The following ZNF324 variants were observed in gnomAD, a reference collection of about 807,000 sequenced individuals.
The protein encoded by ZNF324 is zinc finger protein 324, also known as zinc finger protein 324A.
A neutral mutation model predicts 10.3 loss-of-function variants in ZNF324; 3 were observed. The observed-to-expected ratio is 0.29, with a 90% CI of 0.13 to 0.75. The LOEUF (loss-of-function observed/expected upper bound fraction) is 0.75, where lower values mean the gene tolerates loss of function less well. Ranked by LOEUF, ZNF324 falls within the 30% of genes least tolerant of loss-of-function variation. The probability of loss-of-function intolerance (pLI) is 0.69; values close to 1 mark genes in which losing one functional copy is unlikely to be tolerated. For missense variants in ZNF324, 763 were observed against 784.4 expected (o/e 0.97, Z 0.33); for synonymous variants, 430 against 339.5 (o/e 1.27, Z -2.93).
chr19:58,468,610 C>T (rs1311186534), intron 1 of ZNF324, among the ~76,000 whole-genome samples: 1 of 152,040 alleles, frequency 6.6e-6, no homozygotes, highest in Non-Finnish European at 1.5e-5. Flanking sequence ...GCTACAAGAG[C>T]AGGAAGGGTG....
Position 58,472,196 on chromosome 19 carries a change from CA to C in ZNF324, c.*43del, listed in dbSNP as rs2053042792. The C allele has an allele frequency of 6.6e-7, 1 of 1,519,232 alleles. No individual in the cohort carries two copies. Among genetic ancestry groups the C allele is most frequent in the East Asian group, 2.3e-5 (1 of 43,712 alleles). The allele number at this position is 1,519,232 out of a possible 1,614,324, so 94.1% of individuals were successfully genotyped here. ...CCTGGCCTTCTGTGAATCCCTTCCA[CA>C]GCTAAAGGGCATATGTCCTCTGCAG... On this transcript the variant is annotated 3_prime_UTR_variant, in exon 4 of 4. Coordinates refer to ENST00000196482, the MANE Select transcript of ZNF324 (RefSeq NM_014347.3).
Position 58,472,163 on chromosome 19 carries a change from G to A in ZNF324, c.*9G>A, listed in dbSNP as rs370864217. Reference sequence around the variant, plus strand: ...AGCCAGCGGAGGTCTGAGGTCACAGGTTGCAGCCCTGGCCTTCTGTGAATC... The same window carrying A: ...AGCCAGCGGAGGTCTGAGGTCACAGATTGCAGCCCTGGCCTTCTGTGAATC... On this transcript the variant is annotated 3_prime_UTR_variant, in exon 4 of 4. Transcript: ENST00000196482. 408 of 1,562,686 alleles carry A rather than the reference G, an allele frequency of 2.6e-4. No individual in the cohort carries two copies. The highest frequency in any genetic ancestry group is 7.0e-5 in the Admixed American group (4 of 57,180).
chr19:58,469,301 C>T lies in ZNF324; in HGVS notation c.116C>T (p.Ser39Leu), dbSNP rs1185404847. The T allele has an allele frequency of 1.9e-6, 3 of 1,614,016 alleles. No homozygotes were observed. The highest frequency in any genetic ancestry group is 2.5e-6 in the Non-Finnish European group (3 of 1,179,920). Reference sequence around the variant, plus strand: ...CTAGACAACTTCGCACTTGTGGCCTCGCTGGGTAAGGTCCTAGATACTCCA... The same window carrying T: ...CTAGACAACTTCGCACTTGTGGCCTTGCTGGGTAAGGTCCTAGATACTCCA... Reference protein sequence around the residue: ...VMLDNFALVASLGLSTSRPRV... With the variant: ...VMLDNFALVALLGLSTSRPRV... The change falls in exon 2 of 4, where the codon TCG becomes TTG. Residue 39 changes from serine (S) to leucine (L), a missense_variant. Ser to Leu is a moderately radical substitution (Grantham distance 145, BLOSUM62 -2). Transcript: ENST00000196482.
rs1414500577 is a variant in ZNF324, at chr19:58,471,623, C to T, written c.1131C>T (p.Arg377=). ...RPYACAQCGR[R]FCRNSHLIQH... is the part of the protein sequence containing the mutation. ...ATGCTTGCGCACAGTGTGGCCGCCG[C>T]TTCTGCCGCAACTCGCACCTGATCC... is the stretch of plus-strand genomic sequence containing the variant. The change falls in exon 4 of 4, where the codon CGC becomes CGT. Residue 377 remains arginine, a synonymous_variant. Coordinates refer to ENST00000196482, the MANE Select transcript of ZNF324 (RefSeq NM_014347.3). The T allele has an allele frequency of 2.5e-6, 4 of 1,609,212 alleles. No homozygotes were observed. The highest frequency in any genetic ancestry group is 2.2e-5 in the South Asian group (2 of 90,944).
intron 1 of ZNF324, chr19:58,467,614 G>A (rs1418285842): frequency 1.3e-5 from 2 of 152,486 alleles, no homozygotes; most frequent in South Asian, 2.1e-4. Context: ...CTGCCCTGGG[G>A]GGGTTGCGGG....
chr19:58,475,237 A>G lies in ZNF324; in HGVS notation c.*3083A>G, dbSNP rs2053070843. On this transcript the variant is annotated 3_prime_UTR_variant, in exon 4 of 4. Coordinates refer to ENST00000196482, the MANE Select transcript of ZNF324 (RefSeq NM_014347.3). ...TCCAGAGCAGGCAGCAGGGATTCCC[A>G]GGTATCCAAAGAAACCAAAACAGGC... 6.6e-6 allele frequency: 1 copy of G among 152,218 alleles called. No individual in the cohort carries two copies. Among genetic ancestry groups the G allele is most frequent in the Non-Finnish European group, 1.5e-5 (1 of 68,040 alleles). 9.4% of individuals were successfully genotyped at this position (152,218 alleles called of 1,614,324 possible). A position where few individuals can be genotyped will look rare whatever the true frequency, so the allele number is the denominator to read the frequency against.
At chr19:58,469,621 C>A in intron 2 of ZNF324, 107 bp from the exon 3 acceptor site, 1 of 943,746 alleles carries the variant, frequency 1.1e-6, no homozygotes. Context: ...TCTGCAGTTG[C>A]ACAGATGACA....
At chr19:58,470,694 AG>A in intron 3 of ZNF324, 36 bp from the exon 4 acceptor site, 1 of 1,612,814 alleles carries the variant, frequency 6.2e-7, no homozygotes, top group Non-Finnish European at 8.5e-7. Flanking sequence ...TCTCCTAACC[AG>A]GATGCCCCAG....
chr19:58,472,984 A>C lies in ZNF324; in HGVS notation c.*830A>C, dbSNP rs781029189. On this transcript the variant is annotated 3_prime_UTR_variant, in exon 4 of 4. Transcript: ENST00000196482. ...TCAGCATTGGAAGGACAGAGCTAGG[A>C]TGATGGCTTTCCGGTGGCACTCGTT... 6.5e-6 allele frequency: 1 copy of C among 152,700 alleles called. No individual in the cohort carries two copies. The highest frequency in any genetic ancestry group is 6.5e-5 in the Admixed American group (1 of 15,286). 9.5% of individuals were successfully genotyped at this position (152,700 alleles called of 1,614,324 possible).
rs918409359 is a variant in ZNF324 at position 58,474,636 on chromosome 19, G to A, written c.*2482G>A. ...TGACCTCCCTCCAACCTCCCCCTCT[G>A]CTCTTAATTTTGAATAGGTAGTGAC... On this transcript the variant is annotated 3_prime_UTR_variant, in exon 4 of 4. Coordinates refer to ENST00000196482, the MANE Select transcript of ZNF324 (RefSeq NM_014347.3). 1 of 152,014 alleles carries A rather than the reference G, an allele frequency of 6.6e-6. No individual in the cohort carries two copies. The highest frequency in any genetic ancestry group is 1.5e-5 in the Non-Finnish European group (1 of 68,050). The allele number at this position is 152,014 out of a possible 1,614,324, so 9.4% of individuals were successfully genotyped here.
At chr19:58,468,997 A>ACTTTCTTAAAACATGAGATGT (rs2053004761) in intron 1 of ZNF324, among the ~76,000 whole-genome samples, 183 bp from the exon 2 acceptor site, 1 of 152,150 alleles carries the variant, frequency 6.6e-6, no homozygotes, top group African/African-American at 2.4e-5. Flanking sequence ...AAGTTCGTGA[A>ACTTTCTTAAAACATGAGATGT]CTTTCTTAAA....
rs2053007351 is a variant in ZNF324, at chr19:58,469,281, C to T, written c.96C>T (p.Asp32=). 1 of 1,614,054 alleles carries T rather than the reference C, an allele frequency of 6.2e-7. No homozygotes were observed. The highest frequency in any genetic ancestry group is 1.3e-5 in the African/African-American group (1 of 74,952). Residue 32 remains aspartate, a synonymous_variant, in exon 2 of 4, where the codon GAC becomes GAT. Transcript: ENST00000196482. ...CCCTGTACCGCCGCGTGATGCTAGA[C>T]AACTTCGCACTTGTGGCCTCGCTGG... is the stretch of plus-strand genomic sequence containing the variant. The part of the protein sequence containing the change: ...QRALYRRVML[D]NFALVASLGL...
chr19:58,469,144 T>C (rs1386477365), intron 1 of ZNF324, 36 bp from the exon 2 acceptor site: 1 of 1,613,944 alleles, frequency 6.2e-7, no homozygotes. Flanking sequence ...AACCCAGCCT[T>C]AGACCATGGC....
intron 3 of ZNF324, chr19:58,470,520 A>G (rs2053019580): frequency 1.5e-6 from 1 of 680,474 alleles, no homozygotes; most frequent in Non-Finnish European, 2.6e-6. Flanking sequence ...TGCCACCTTG[A>G]TCATGGGAGT....
Position 58,472,135 on chromosome 19 carries a change from C to G in ZNF324, c.1643C>G (p.Ser548Trp). 6.3e-7 allele frequency: 1 copy of G among 1,584,304 alleles called. No homozygotes were observed. The highest frequency in any genetic ancestry group is 8.6e-7 in the Non-Finnish European group (1 of 1,166,630). Residue 548 changes from serine (S) to tryptophan (W), a missense_variant, in exon 4 of 4, where the codon TCG (serine) becomes TGG (tryptophan). By Grantham distance (177) the Ser-to-Trp change is radical. This residue lies in a region of ZNF324 where 231 missense variants were observed against 196.0 expected (regional missense o/e 1.18). Coordinates refer to ENST00000196482, the MANE Select transcript of ZNF324 (RefSeq NM_014347.3). ...PTPASGPAAV[S>W]QPAEV ...CCCGCCTCGGGCCCAGCCGCCGTCT[C>G]GCAGCCAGCGGAGGTCTGAGGTCAC...
chr19:58,468,127 G>C (rs897038673), intron 1 of ZNF324: 75 of 912,932 alleles, frequency 8.2e-5, no homozygotes, highest in Non-Finnish European at 9.8e-5. Context: ...AGATAGAAAG[G>C]AGAATTGAAA....
chr19:58,471,197 C>A lies in ZNF324; in HGVS notation c.705C>A (p.Leu235=), dbSNP rs750917685. 1.9e-6 allele frequency: 3 copies of A among 1,613,248 alleles called. No individual in the cohort carries two copies. The highest frequency in any genetic ancestry group is 2.5e-6 in the Non-Finnish European group (3 of 1,179,840). Residue 235 remains leucine (L), a synonymous_variant, in exon 4 of 4, where the codon CTC becomes CTA. Transcript: ENST00000196482. ...GAVWQEPHRL[L]GGQEPSTWDE... is the part of the protein sequence containing the mutation. ...TTTGGCAGGAGCCTCATAGACTCCTCGGTGGCCAGGAGCCCTCGACCTGGG... is the reference window on the plus strand; with the variant it reads ...TTTGGCAGGAGCCTCATAGACTCCTAGGTGGCCAGGAGCCCTCGACCTGGG...
chr19:58,469,522 C>A (rs1303038574), intron 2 of ZNF324, among the ~76,000 whole-genome samples: 1 of 152,246 alleles, frequency 6.6e-6, no homozygotes, highest in Non-Finnish European at 1.5e-5. Flanking sequence ...TTGGCTCAGT[C>A]CCCTTCCTTT....
intron 1 of ZNF324, among the ~76,000 whole-genome samples, chr19:58,468,375 G>A (rs911770885): frequency 1.3e-5 from 2 of 152,146 alleles, no homozygotes; most frequent in East Asian, 3.9e-4. Context: ...GGGGAGGGTG[G>A]CAACAGAGAG....
Sources: gnomAD v4.1 joint callset for allele counts (sites outside exome capture counted in the v4.1 genomes callset) on GRCh38, gnomAD v4.1.1 for gene constraint, gnomAD v4.1.1 regional missense constraint, MANE v1.5 for transcripts, NCBI Gene and HGNC (gene_info 2026-07-23, HGNC 2026-07-21) for gene names.